Variants in FUT9 observed in about 807,000 individuals in gnomAD.
FUT9 encodes fucosyltransferase 9.
FUT9 carries 15 observed loss-of-function variants against 29.7 expected under a neutral mutation model. That is an observed-to-expected ratio of 0.51 (90% confidence interval 0.34 to 0.78). The LOEUF (loss-of-function observed/expected upper bound fraction) is 0.78, where lower values mean the gene tolerates loss of function less well. FUT9 is among the 30% of genes least tolerant of loss of function. The pLI, the probability that FUT9 is intolerant of heterozygous loss-of-function variation, is 0.01. For synonymous variants in FUT9, 169 were observed against 153.7 expected (o/e 1.10, Z -0.74); for missense variants, 319 against 425.4 (o/e 0.75, Z 2.20).
intron 1 of FUT9, among the ~76,000 whole-genome samples, chr6:96,054,660 G>C (rs542768865): frequency 1.3e-5 from 2 of 152,284 alleles, no homozygotes; most frequent in South Asian, 4.1e-4. Context: ...CAGCATACTT[G>C]AAGTTGGAAG....
At chr6:96,057,626 C>T (rs1472402089) in intron 1 of FUT9, among the ~76,000 whole-genome samples, 4 of 152,100 alleles carry the variant, frequency 2.6e-5, no homozygotes, top group Non-Finnish European at 5.9e-5. Flanking sequence ...GGATTAAAAC[C>T]TATTGCTTCC....
intron 2 of FUT9, among the ~76,000 whole-genome samples, chr6:96,175,486 TCAAATAC>T (rs973453927): frequency 2.6e-5 from 4 of 152,178 alleles, no homozygotes; most frequent in Admixed American, 1.3e-4. Flanking sequence ...AATATATAAA[TCAAATAC>T]CAAATATTAT....
intron 1 of FUT9, among the ~76,000 whole-genome samples, chr6:96,041,785 C>T (rs1770465229): frequency 1.3e-5 from 2 of 152,164 alleles, no homozygotes; most frequent in African/African-American, 4.8e-5. Flanking sequence ...ATTTCTGCCT[C>T]CTGTTAATCC....
intron 2 of FUT9, among the ~76,000 whole-genome samples, chr6:96,148,461 A>G (rs894240660): frequency 2.0e-5 from 3 of 152,202 alleles, no homozygotes; most frequent in Non-Finnish European, 4.4e-5. Context: ...GGCTTTTTCA[A>G]ATTTACAGTT....
At chr6:96,159,345 A>G (rs574883509) in intron 2 of FUT9, among the ~76,000 whole-genome samples, 1 of 150,466 alleles carries the variant, frequency 6.6e-6, no homozygotes. Flanking sequence ...ATGATGATAT[A>G]CTATTAAGTT....
intron 2 of FUT9, among the ~76,000 whole-genome samples, chr6:96,119,395 G>T (rs568941653): frequency 1.3e-5 from 2 of 152,166 alleles, no homozygotes; most frequent in South Asian, 4.1e-4. Context: ...TAAGTGTGTA[G>T]CAGGCAATAC....
intron 1 of FUT9, among the ~76,000 whole-genome samples, chr6:96,088,574 G>A (rs150073601): frequency 4.1e-4 from 61 of 150,400 alleles, no homozygotes; most frequent in African/African-American, 1.1e-3. Flanking sequence ...GTGTGCGTGC[G>A]CGCGCGTGCT....
intron 1 of FUT9, among the ~76,000 whole-genome samples, chr6:96,087,250 T>G (rs1428484842): frequency 1.3e-5 from 2 of 152,170 alleles, no homozygotes; most frequent in East Asian, 3.8e-4. Context: ...TTGGTGTTGC[T>G]TTCAGATTTG....
chr6:96,100,685 T>A (rs1419141742), intron 1 of FUT9, among the ~76,000 whole-genome samples: 11 of 152,082 alleles, frequency 7.2e-5, no homozygotes, highest in African/African-American at 2.4e-4. Flanking sequence ...AAGACGCAGG[T>A]TAGAATTTGA....
chr6:96,124,526 A>AT (rs879732573), intron 2 of FUT9, among the ~76,000 whole-genome samples: 5 of 151,276 alleles, frequency 3.3e-5, no homozygotes, highest in Non-Finnish European at 2.9e-5. Context: ...TTTTTGTTTC[A>AT]TTTTTTTGCA....
At chr6:96,141,387 C>A (rs1772460296) in intron 2 of FUT9, among the ~76,000 whole-genome samples, 1 of 152,166 alleles carries the variant, frequency 6.6e-6, no homozygotes, top group Admixed American at 6.5e-5. Flanking sequence ...TTACAGTCCT[C>A]TCTGTATCTT....
intron 1 of FUT9, among the ~76,000 whole-genome samples, chr6:96,112,714 T>C (rs997630376): frequency 6.6e-6 from 1 of 152,208 alleles, no homozygotes; most frequent in Non-Finnish European, 1.5e-5. Context: ...GCTTAACAAG[T>C]ATTTTCGGTT....
At chr6:96,050,329 C>T (rs1770642836) in intron 1 of FUT9, among the ~76,000 whole-genome samples, 1 of 152,092 alleles carries the variant, frequency 6.6e-6, no homozygotes, top group African/African-American at 2.4e-5. Flanking sequence ...GTTAAAATCA[C>T]CATTTTAAAA....
chr6:96,184,179 G>T (rs1582292298), intron 2 of FUT9, among the ~76,000 whole-genome samples: 1 of 151,946 alleles, frequency 6.6e-6, no homozygotes, highest in Admixed American at 6.6e-5. Context: ...AAGCTAGGAG[G>T]GTTGTATCTT....
rs1773802718 is a variant in FUT9, at chr6:96,205,067, C to T, written c.*832C>T. The T allele has an allele frequency of 6.0e-6, 1 of 166,426 alleles. No homozygotes were observed. Among genetic ancestry groups the T allele is most frequent in the Non-Finnish European group, 1.5e-5 (1 of 68,002 alleles). The allele number at this position is 166,426 out of a possible 1,614,324, so 10.3% of individuals were successfully genotyped here. Reference sequence around the variant, plus strand: ...CCTCAAATAACAAAGAAAAATGATACCTATAAATATATTTATAAATGGTGT... The same window carrying T: ...CCTCAAATAACAAAGAAAAATGATATCTATAAATATATTTATAAATGGTGT... On this transcript the variant is annotated 3_prime_UTR_variant, in exon 3 of 3. Coordinates refer to ENST00000302103, the MANE Select transcript of FUT9 (RefSeq NM_006581.4).
At chr6:96,150,682 C>T (rs1772659858) in intron 2 of FUT9, among the ~76,000 whole-genome samples, 1 of 152,156 alleles carries the variant, frequency 6.6e-6, no homozygotes, top group Non-Finnish European at 1.5e-5. Flanking sequence ...AGAGACTAAT[C>T]CACGTGCCAC....
intron 2 of FUT9, among the ~76,000 whole-genome samples, chr6:96,157,496 G>C (rs1772807625): frequency 6.6e-6 from 1 of 152,060 alleles, no homozygotes; most frequent in Non-Finnish European, 1.5e-5. Context: ...TCCTGGATTT[G>C]GGAGTGTTTA....
At chr6:96,196,033 A>G (rs1393418910) in intron 2 of FUT9, among the ~76,000 whole-genome samples, 1 of 152,150 alleles carries the variant, frequency 6.6e-6, no homozygotes, top group East Asian at 1.9e-4. Flanking sequence ...TTATTTGAAA[A>G]TACAGATAAT....
intron 1 of FUT9, among the ~76,000 whole-genome samples, chr6:96,030,433 G>A (rs952972154): frequency 2.6e-5 from 4 of 151,470 alleles, no homozygotes; most frequent in Non-Finnish European, 5.9e-5. Context: ...AGACCTATTA[G>A]AGCAAAATGA....
Sources: allele counts gnomAD v4.1 joint callset (sites outside exome capture counted in the v4.1 genomes callset), GRCh38; gene constraint gnomAD v4.1.1; transcripts MANE v1.5; gene names NCBI Gene and HGNC (gene_info 2026-07-23, HGNC 2026-07-21).